CHRNA7: variants seen among roughly 807,000 people sequenced by gnomAD.
The protein encoded by CHRNA7 is cholinergic receptor nicotinic alpha 7 subunit.
CHRNA7 carries 17 observed loss-of-function variants against 48.0 expected under a neutral mutation model. The observed-to-expected ratio is 0.35, with a 90% CI of 0.24 to 0.53. The LOEUF is 0.53. Ranked by LOEUF, CHRNA7 falls within the 20% of genes least tolerant of loss-of-function variation. The probability of loss-of-function intolerance (pLI) is 0.92; values close to 1 mark genes in which losing one functional copy is unlikely to be tolerated. For synonymous variants in CHRNA7, 75 were observed against 242.3 expected (o/e 0.31, Z 6.41); for missense variants, 155 against 577.7 (o/e 0.27, Z 7.50).
intron 4 of CHRNA7, among the ~76,000 whole-genome samples, chr15:32,117,159 C>T (rs531930684): frequency 7.2e-5 from 11 of 152,260 alleles, no homozygotes; most frequent in Admixed American, 3.9e-4. Context: ...GCAGGCAAGC[C>T]GTTGGAGTGA....
At chr15:32,066,531 C>T (rs939890367) in intron 2 of CHRNA7, among the ~76,000 whole-genome samples, 2 of 152,182 alleles carry the variant, frequency 1.3e-5, no homozygotes, top group African/African-American at 2.4e-5. Context: ...ATGCCTGCCT[C>T]GGCCTCCCAA....
At chr15:32,042,992 A>G (rs900814962) in intron 2 of CHRNA7, among the ~76,000 whole-genome samples, 1 of 152,228 alleles carries the variant, frequency 6.6e-6, no homozygotes, top group Non-Finnish European at 1.5e-5. Context: ...CACACAAGGC[A>G]TTCTGGCAGA....
rs56122550 is a variant in CHRNA7 at position 32,168,959 on chromosome 15, A to G, written c.*501A>G. On this transcript the variant is annotated 3_prime_UTR_variant, in exon 10 of 10. Transcript: ENST00000306901. ...CTAAAAACCTCTTAGCTTTTCTGCA[A>G]TTCAACTTTTTATTTTTATTTTTAT... The G allele has an allele frequency of 0.12, 15,533 of 131,042 alleles. 927 individuals are homozygous for G. The highest frequency in any genetic ancestry group is 0.17 in the Non-Finnish European group (10,277 of 60,612). The allele number at this position is 131,042 out of a possible 1,614,324, so 8.1% of individuals were successfully genotyped here.
chr15:32,151,292 C>T (rs1233508712), intron 4 of CHRNA7, among the ~76,000 whole-genome samples: 1 of 152,158 alleles, frequency 6.6e-6, no homozygotes, highest in Admixed American at 6.5e-5. Context: ...CCACCTTTTT[C>T]TAGGCCTCCT....
intron 3 of CHRNA7, among the ~76,000 whole-genome samples, chr15:32,105,100 C>T (rs1304252829): frequency 6.6e-6 from 1 of 152,164 alleles, no homozygotes; most frequent in Non-Finnish European, 1.5e-5. Context: ...CACCAGAGAC[C>T]TCTAAATTTA....
chr15:32,111,746 T>G (rs2050765194), intron 3 of CHRNA7, 44 bp from the exon 4 acceptor site: 1 of 1,154,818 alleles, frequency 8.7e-7, no homozygotes, highest in Non-Finnish European at 1.3e-6. Flanking sequence ...GAAATATTAG[T>G]AGCCAAGGAA....
chr15:32,043,032 G>T (rs567410017), intron 2 of CHRNA7, among the ~76,000 whole-genome samples: 5 of 152,142 alleles, frequency 3.3e-5, no homozygotes, highest in Non-Finnish European at 5.9e-5. Context: ...TATGTTTATA[G>T]ATGTGTAGAG....
intron 4 of CHRNA7, among the ~76,000 whole-genome samples, chr15:32,147,294 C>A (rs2051509459): frequency 6.6e-6 from 1 of 152,244 alleles, no homozygotes; most frequent in African/African-American, 2.4e-5. Context: ...ACTGGATACT[C>A]TGCTCACTGC....
chr15:32,070,588 G>A (rs753329701), intron 2 of CHRNA7, among the ~76,000 whole-genome samples: 8 of 146,922 alleles, frequency 5.4e-5, no homozygotes, highest in Non-Finnish European at 7.5e-5. Flanking sequence ...TCTTAAAAAG[G>A]TTTATAGTTT....
intron 4 of CHRNA7, among the ~76,000 whole-genome samples, chr15:32,139,762 A>T (rs2051343831): frequency 6.6e-6 from 1 of 152,020 alleles, no homozygotes; most frequent in African/African-American, 2.4e-5. Flanking sequence ...TTTGGATTAC[A>T]GTTCATTATT....
chr15:32,047,608 C>T (rs1407759897), intron 2 of CHRNA7, among the ~76,000 whole-genome samples: 1 of 152,090 alleles, frequency 6.6e-6, no homozygotes, highest in African/African-American at 2.4e-5. Context: ...ACAATCATGT[C>T]ATCTGCAAAC....
chr15:32,131,649 A>G (rs7164043), intron 4 of CHRNA7, among the ~76,000 whole-genome samples: 2,978 of 152,194 alleles, frequency 0.02, 85 homozygotes, highest in African/African-American at 0.065. Flanking sequence ...GAGAATTCCA[A>G]CTTTCTGAAT....
intron 2 of CHRNA7, among the ~76,000 whole-genome samples, chr15:32,071,694 C>G (rs558627917): frequency 5.3e-5 from 8 of 152,248 alleles, no homozygotes; most frequent in Middle Eastern, 3.4e-3. Flanking sequence ...CTCTTGCTCC[C>G]TCTTTCACCA....
intron 2 of CHRNA7, among the ~76,000 whole-genome samples, chr15:32,067,629 T>G (rs1268176894): frequency 6.6e-6 from 1 of 152,248 alleles, no homozygotes; most frequent in Non-Finnish European, 1.5e-5. Flanking sequence ...AAATATATTT[T>G]GTGTTCATAA....
chr15:32,057,896 A>G (rs964449728), intron 2 of CHRNA7, among the ~76,000 whole-genome samples: 2 of 152,352 alleles, frequency 1.3e-5, no homozygotes, highest in African/African-American at 4.8e-5. Context: ...AAATCAGGAT[A>G]TACATGTAAG....
chr15:32,076,437 G>C (rs1179846724), intron 2 of CHRNA7, among the ~76,000 whole-genome samples: 1 of 151,984 alleles, frequency 6.6e-6, no homozygotes, highest in African/African-American at 2.4e-5. Context: ...AATTTTCTTT[G>C]CTCTGAATGC....
chr15:32,055,982 A>T (rs751908163), intron 2 of CHRNA7, among the ~76,000 whole-genome samples: 1 of 152,024 alleles, frequency 6.6e-6, no homozygotes, highest in Non-Finnish European at 1.5e-5. Context: ...CTGTATCAAA[A>T]AAAAAAACCA....
intron 4 of CHRNA7, among the ~76,000 whole-genome samples, chr15:32,141,098 A>T (rs1000997138): frequency 1.3e-5 from 2 of 152,166 alleles, no homozygotes; most frequent in Non-Finnish European, 2.9e-5. Context: ...TAATTTTTGT[A>T]TAAGGTGTAA....
chr15:32,093,654 C>A (rs1229982620), intron 2 of CHRNA7, among the ~76,000 whole-genome samples: 1 of 152,174 alleles, frequency 6.6e-6, no homozygotes, highest in Non-Finnish European at 1.5e-5. Flanking sequence ...ACCCACCTGC[C>A]TCTGTTCACC....
Sources: gnomAD v4.1 joint callset for allele counts (sites outside exome capture counted in the v4.1 genomes callset) on GRCh38, gnomAD v4.1.1 for gene constraint, MANE v1.5 for transcripts, NCBI Gene and HGNC (gene_info 2026-07-23, HGNC 2026-07-21) for gene names.